Variants in LRP1B observed in about 807,000 individuals in gnomAD.
LRP1B encodes LDL receptor related protein 1B, also known as low-density lipoprotein receptor-related protein 1B.
LRP1B carries 217 observed loss-of-function variants against 556.6 expected under a neutral mutation model. The ratio of observed to expected loss-of-function variants is 0.39; its 90% CI spans 0.35 to 0.44. LRP1B has a LOEUF of 0.44. Ranked by LOEUF, LRP1B falls within the 20% of genes least tolerant of loss-of-function variation. The pLI is 1.00. For synonymous variants in LRP1B, 2,047 were observed against 1,865.8 expected (o/e 1.10, Z -2.50); for missense variants, 5,053 against 5,620.8 (o/e 0.90, Z 3.23).
chr2:141,544,711 G>T (rs1262426848), intron 2 of LRP1B, among the ~76,000 whole-genome samples: 1 of 151,794 alleles, frequency 6.6e-6, no homozygotes, highest in Non-Finnish European at 1.5e-5. Context: ...TGTCACTGAG[G>T]CTGGAGTGCA....
At chr2:141,985,704 C>T (rs555569911) in intron 1 of LRP1B, among the ~76,000 whole-genome samples, 1 of 151,718 alleles carries the variant, frequency 6.6e-6, no homozygotes, top group South Asian at 2.1e-4. Context: ...ACCTGTGTAA[C>T]ATTTTGTCAT....
At chr2:140,735,936 G>A (rs184578012) in intron 35 of LRP1B, among the ~76,000 whole-genome samples, 116 of 152,234 alleles carry the variant, frequency 7.6e-4, no homozygotes, top group African/African-American at 2.5e-3. Flanking sequence ...CTTGATCAAA[G>A]TGGGCTAGAA....
chr2:140,806,859 A>T (rs916637360), intron 32 of LRP1B, among the ~76,000 whole-genome samples: 1 of 152,320 alleles, frequency 6.6e-6, no homozygotes, highest in African/African-American at 2.4e-5. Context: ...AAATAAGACT[A>T]TTGTTTCTGT....
rs1689531530 is a variant in LRP1B, at chr2:140,777,279, T to C, written c.5360-1041A>G. On this transcript the variant is annotated intron_variant, in intron 32 of 90. Coordinates refer to ENST00000389484, the MANE Select transcript of LRP1B (RefSeq NM_018557.3). Reference sequence around the variant, plus strand: ...CTCCATCTCCTTAGCCCTTTGCCCCTAGCTCACAGAGGGCTGACAGCTGAT... The same window carrying C: ...CTCCATCTCCTTAGCCCTTTGCCCCCAGCTCACAGAGGGCTGACAGCTGAT... Among the ~76,000 whole-genome samples, 4 of 152,226 alleles carry C rather than the reference T, an allele frequency of 2.6e-5. 1 individual carries two copies. In the South Asian group the frequency reaches 8.3e-4, roughly 31 times the overall value.
At chr2:141,678,930 A>G (rs865999021) in intron 2 of LRP1B, among the ~76,000 whole-genome samples, 5 of 152,164 alleles carry the variant, frequency 3.3e-5, no homozygotes, top group Non-Finnish European at 7.4e-5. Context: ...ACTTGCTGCT[A>G]ATGAATAAAA....
chr2:141,135,037 G>A (rs114650896), intron 7 of LRP1B, among the ~76,000 whole-genome samples: 4,194 of 151,762 alleles, frequency 0.028, 79 homozygotes, highest in East Asian at 0.065. Flanking sequence ...GCTTCAAATC[G>A]AAGTGAGTGA....
intron 66 of LRP1B, among the ~76,000 whole-genome samples, chr2:140,422,844 T>G (rs974184238): frequency 3.9e-5 from 6 of 152,202 alleles, no homozygotes; most frequent in African/African-American, 1.4e-4. Flanking sequence ...ATGAACTTTA[T>G]AGGAATATAT....
At chr2:140,459,150 A>C (rs2105326411) in intron 60 of LRP1B, among the ~76,000 whole-genome samples, 1 of 152,238 alleles carries the variant, frequency 6.6e-6, no homozygotes, top group South Asian at 2.1e-4. Context: ...TAATAAGTGA[A>C]ATTAGAATGA....
At chr2:142,038,241 G>GT (rs1001976615) in intron 1 of LRP1B, among the ~76,000 whole-genome samples, 1 of 151,552 alleles carries the variant, frequency 6.6e-6, no homozygotes. Flanking sequence ...GTTGGCATCG[G>GT]TTTTAAATGG....
intron 3 of LRP1B, among the ~76,000 whole-genome samples, chr2:141,401,624 C>T (rs182201456): frequency 2.6e-5 from 4 of 152,286 alleles, no homozygotes; most frequent in Non-Finnish European, 4.4e-5. Flanking sequence ...CCATTTCACA[C>T]TGTCATCATT....
chr2:141,812,107 C>T (rs1474591509), intron 1 of LRP1B, among the ~76,000 whole-genome samples: 1 of 152,060 alleles, frequency 6.6e-6, no homozygotes, highest in Non-Finnish European at 1.5e-5. Flanking sequence ...GGGTTTTCCC[C>T]ATCAAACAGT....
chr2:140,381,533 T>A (rs926930805), intron 67 of LRP1B, among the ~76,000 whole-genome samples: 9 of 152,076 alleles, frequency 5.9e-5, no homozygotes, highest in African/African-American at 2.2e-4. Context: ...ATGTTTTCCA[T>A]GTTTCAGAAG....
chr2:141,457,091 T>C (rs148492577), intron 3 of LRP1B, among the ~76,000 whole-genome samples: 5 of 152,296 alleles, frequency 3.3e-5, no homozygotes, highest in African/African-American at 1.2e-4. Flanking sequence ...AGTTTTATTA[T>C]AGGCAGAACT....
At chr2:141,750,672 C>T (rs1298762642) in intron 2 of LRP1B, among the ~76,000 whole-genome samples, 1 of 152,046 alleles carries the variant, frequency 6.6e-6, no homozygotes, top group Admixed American at 6.6e-5. Flanking sequence ...GTCAGATAAA[C>T]ATGATTATAT....
intron 52 of LRP1B, among the ~76,000 whole-genome samples, chr2:140,507,339 G>T (rs189755410): frequency 4.6e-5 from 7 of 152,038 alleles, no homozygotes; most frequent in African/African-American, 1.7e-4. Context: ...AAATAGACTG[G>T]TAAAGAGCAA....
chr2:140,336,501 A>C (rs1430200109), intron 77 of LRP1B, among the ~76,000 whole-genome samples: 1 of 151,822 alleles, frequency 6.6e-6, no homozygotes, highest in Non-Finnish European at 1.5e-5. Flanking sequence ...TGCTAGAAAA[A>C]ATTTTCAAAG....
intron 41 of LRP1B, among the ~76,000 whole-genome samples, chr2:140,643,989 G>C: frequency 6.6e-6 from 1 of 152,172 alleles, no homozygotes; most frequent in East Asian, 1.9e-4. Context: ...CTTGTATTTA[G>C]TAGAGTGCAT....
chr2:140,479,285 G>A (rs1688119001), intron 59 of LRP1B, among the ~76,000 whole-genome samples: 1 of 151,722 alleles, frequency 6.6e-6, no homozygotes, highest in South Asian at 2.1e-4. Context: ...CTTCTGAAAT[G>A]AAACCCTTAA....
At chr2:142,059,890 A>G (rs1437258113) in intron 1 of LRP1B, among the ~76,000 whole-genome samples, 1 of 152,110 alleles carries the variant, frequency 6.6e-6, no homozygotes, top group Non-Finnish European at 1.5e-5. Flanking sequence ...ATATTTACTT[A>G]TGTGTTAAGT....
Sources: gnomAD v4.1 joint callset for allele counts (sites outside exome capture counted in the v4.1 genomes callset) on GRCh38, gnomAD v4.1.1 for gene constraint, MANE v1.5 for transcripts, NCBI Gene and HGNC (gene_info 2026-07-23, HGNC 2026-07-21) for gene names.